Variants in NUDT9 observed in about 807,000 individuals in gnomAD.
NUDT9 encodes the protein ADP-ribose pyrophosphatase.
NUDT9 carries 31 observed loss-of-function variants against 41.0 expected under a neutral mutation model. That is an observed-to-expected ratio of 0.76 (90% CI 0.57 to 1.02). The LOEUF (loss-of-function observed/expected upper bound fraction) is 1.02, where lower values mean the gene tolerates loss of function less well. Ranked by LOEUF, NUDT9 falls within the 50% of genes least tolerant of loss-of-function variation. The pLI, the probability that NUDT9 is intolerant of heterozygous loss-of-function variation, is 0.00. For synonymous variants in NUDT9, 146 were observed against 147.6 expected, an observed-to-expected ratio of 0.99 and a Z score of 0.08; for missense variants, 380 against 431.4, an observed-to-expected ratio of 0.88 and a Z score of 1.06.
At chr4:87,454,309 C>A in intron 6 of NUDT9, 62 bp from the exon 7 acceptor site, 1 of 855,316 alleles carries the variant, frequency 1.2e-6, no homozygotes, top group Admixed American at 1.8e-5. Context: ...GTGAAGGTAA[C>A]ATGCTCTGCT....
intron 1 of NUDT9, among the ~76,000 whole-genome samples, chr4:87,424,253 CGT>C (rs1491106604): frequency 9.6e-6 from 1 of 103,910 alleles, no homozygotes; most frequent in African/African-American, 3.8e-5. Flanking sequence ...CTCCCTAATG[CGT>C]TTTTTTTTTT....
chr4:87,443,766 C>A (rs1047932912), intron 4 of NUDT9, among the ~76,000 whole-genome samples: 1 of 152,102 alleles, frequency 6.6e-6, no homozygotes, highest in South Asian at 2.1e-4. Context: ...TGAGTAGAGA[C>A]CAGCTTGGTT....
intron 1 of NUDT9, among the ~76,000 whole-genome samples, chr4:87,428,370 C>T (rs143535714): frequency 6.6e-6 from 1 of 152,308 alleles, no homozygotes; most frequent in Admixed American, 6.5e-5. Flanking sequence ...AGCAATCACA[C>T]TCTTTGGTAT....
In NUDT9 at chr4:87,438,049, TA is replaced by T. The variant is rs142193511; in HGVS notation, c.348-226del. 1.1e-3 allele frequency among the ~76,000 whole-genome samples: 164 copies of T among 151,820 alleles called. 1 individual carries two copies. The East Asian group carries it at 0.023, about 22-fold the overall frequency. ...TTCCTGGAGGGGTTAGTAAGTTTAATAATAATATATATCTTTGTAATGTGTG... is the reference window on the plus strand; with the variant it reads ...TTCCTGGAGGGGTTAGTAAGTTTAATATAATATATATCTTTGTAATGTGTG... On this transcript the variant is annotated intron_variant, in intron 2 of 7. Coordinates refer to ENST00000302174, the MANE Select transcript of NUDT9 (RefSeq NM_024047.5).
intron 1 of NUDT9, among the ~76,000 whole-genome samples, chr4:87,425,178 A>G (rs1721352674): frequency 6.6e-6 from 1 of 152,018 alleles, no homozygotes; most frequent in Non-Finnish European, 1.5e-5. Context: ...CAACTTAGCA[A>G]GACCCTTGTC....
In NUDT9 at chr4:87,434,994, T is replaced by A. The variant is rs777504962; in HGVS notation, c.121T>A (p.Ser41Thr). 57 of 1,607,432 alleles carry A rather than the reference T, an allele frequency of 3.5e-5. No homozygotes were observed. The South Asian group carries it at 5.6e-4, about 16-fold the overall frequency. ...GIQAFRNSFS[S>T]SWFHLNTNVM... Reference sequence around the variant, plus strand: ...TTTCTCCCCCAGAAACTCGTTTTCATCTTCTTGGTTTCATCTTAATACCAA... The same window carrying A: ...TTTCTCCCCCAGAAACTCGTTTTCAACTTCTTGGTTTCATCTTAATACCAA... The change falls in exon 2 of 8, where the codon TCT becomes ACT. Residue 41 changes from serine to threonine, a missense_variant. Coordinates refer to ENST00000302174, the MANE Select transcript of NUDT9 (RefSeq NM_024047.5).
chr4:87,425,913 T>A (rs2110156506), intron 1 of NUDT9, among the ~76,000 whole-genome samples: 1 of 152,182 alleles, frequency 6.6e-6, no homozygotes, highest in African/African-American at 2.4e-5. Context: ...GCTCAGTGAT[T>A]GTCCCAGCTC....
At chr4:87,451,565 C>T in intron 5 of NUDT9, 24 bp from the exon 6 acceptor site, 1 of 1,582,600 alleles carries the variant, frequency 6.3e-7, no homozygotes, top group South Asian at 1.2e-5. Context: ...TCCCTTTTTT[C>T]AAAATTTTTA....
Position 87,449,203 on chromosome 4 carries a change from CA to C in NUDT9, c.594del (p.Gln198HisfsTer5), listed in dbSNP as rs1311914109. 1.2e-6 allele frequency: 2 copies of C among 1,611,086 alleles called. No homozygotes were observed. The highest frequency in any genetic ancestry group is 1.7e-6 in the Non-Finnish European group (2 of 1,177,462). ...TCCTGTTTCTGGGAAGCATATCTTA[CA>C]ATTTGTTGCAATAAAAAGGAAAGAC... is the stretch of plus-strand genomic sequence containing the variant. ...MHPVSGKHIL[Q>X]FVAIKRKDCG... On this transcript the variant is annotated frameshift_variant, in exon 5 of 8. Coordinates refer to ENST00000302174, the MANE Select transcript of NUDT9 (RefSeq NM_024047.5). LOFTEE classifies it high-confidence loss of function.
chr4:87,438,155 T>A (rs2110172036), intron 2 of NUDT9, 122 bp from the exon 3 acceptor site: 20 of 415,712 alleles, frequency 4.8e-5, no homozygotes, highest in Non-Finnish European at 7.8e-5. Context: ...AAAAAAAAAC[T>A]AACCCTTAAA....
At chr4:87,442,033 G>A (rs557843862) in intron 4 of NUDT9, 118 bp downstream of exon 4, 3 of 650,816 alleles carry the variant, frequency 4.6e-6, no homozygotes, top group South Asian at 4.3e-5. Flanking sequence ...GTATGTGTTT[G>A]TATATATATG....
At chr4:87,438,178 C>A in intron 2 of NUDT9, 99 bp from the exon 3 acceptor site, 30 of 456,062 alleles carry the variant, frequency 6.6e-5, no homozygotes, top group Admixed American at 1.4e-4. Context: ...TTTATTGTTT[C>A]AGGAATACTT....
At chr4:87,450,443 G>A (rs1002520058) in intron 5 of NUDT9, among the ~76,000 whole-genome samples, 10 of 134,792 alleles carry the variant, frequency 7.4e-5, no homozygotes, top group African/African-American at 2.8e-4. Flanking sequence ...GCAATGGCAT[G>A]ATCTCAGCTT....
chr4:87,434,909 G>C (rs1294514372), intron 1 of NUDT9, 72 bp from the exon 2 acceptor site: 1 of 1,377,342 alleles, frequency 7.3e-7, no homozygotes, highest in Non-Finnish European at 9.9e-7. Context: ...GTAAGCCACT[G>C]CACCCGGCCT....
intron 5 of NUDT9, among the ~76,000 whole-genome samples, chr4:87,451,272 A>G (rs1176842116): frequency 6.6e-6 from 1 of 152,204 alleles, no homozygotes; most frequent in Non-Finnish European, 1.5e-5. Flanking sequence ...GGAATGAACA[A>G]TGGGGGAAGA....
At position 87,458,045 on chromosome 4, in the gene NUDT9, A is replaced by T; in HGVS notation, c.*24A>T. 1 of 1,496,008 alleles carries T rather than the reference A, an allele frequency of 6.7e-7. No individual in the cohort carries two copies. The highest frequency in any genetic ancestry group is 8.9e-7 in the Non-Finnish European group (1 of 1,129,704). 92.7% of individuals were successfully genotyped at this position (1,496,008 alleles called of 1,614,324 possible). On this transcript the variant is annotated 3_prime_UTR_variant, in exon 8 of 8. Transcript: ENST00000302174. ...AGCTGATGGTCTCCGTGTAAGCCAA[A>T]GGCCCACAGAGGAGCATATACTGAA... is the stretch of plus-strand genomic sequence containing the variant.
At position 87,449,196 on chromosome 4, in the gene NUDT9, T is replaced by C; in HGVS notation, c.585T>C (p.His195=). Residue 195 remains histidine (H), a synonymous_variant, in exon 5 of 8, where the codon CAT becomes CAC. Transcript: ENST00000302174. ...TCATGCATCCTGTTTCTGGGAAGCA[T>C]ATCTTACAATTTGTTGCAATAAAAA... The part of the protein sequence containing the change: ...NKIMHPVSGK[H]ILQFVAIKRK... 1 of 1,611,924 alleles carries C rather than the reference T, an allele frequency of 6.2e-7. No individual in the cohort carries two copies. The highest frequency in any genetic ancestry group is 8.5e-7 in the Non-Finnish European group (1 of 1,178,088).
At chr4:87,441,733 G>T in intron 3 of NUDT9, 96 bp from the exon 4 acceptor site, 2 of 953,614 alleles carry the variant, frequency 2.1e-6, no homozygotes, top group Non-Finnish European at 3.3e-6. Context: ...GACTTATTCT[G>T]TCTTACTGCT....
At chr4:87,454,339 C>T (rs934665234) in intron 6 of NUDT9, 32 bp from the exon 7 acceptor site, 4 of 1,362,230 alleles carry the variant, frequency 2.9e-6, no homozygotes, top group African/African-American at 2.9e-5. Flanking sequence ...ACACCTTGGA[C>T]TTTTAAAAAA....
Sources: gnomAD v4.1 joint callset for allele counts (sites outside exome capture counted in the v4.1 genomes callset) on GRCh38, gnomAD v4.1.1 for gene constraint, MANE v1.5 for transcripts, NCBI Gene and HGNC (gene_info 2026-07-23, HGNC 2026-07-21) for gene names.